Variants in RPS6KC1 observed in about 807,000 individuals in gnomAD.
RPS6KC1 encodes inactive ribosomal protein S6 kinase delta-1.
A neutral mutation model predicts 103.8 loss-of-function variants in RPS6KC1; 54 were observed. The ratio of observed to expected loss-of-function variants is 0.52; its 90% CI spans 0.42 to 0.65. The LOEUF is 0.65. Ranked by LOEUF, RPS6KC1 falls within the 30% of genes least tolerant of loss-of-function variation. The probability of loss-of-function intolerance (pLI) is 0.00; values close to 1 mark genes in which losing one functional copy is unlikely to be tolerated. For synonymous variants in RPS6KC1, 439 were observed against 438.7 expected (o/e 1.00, Z -0.01); for missense variants, 1,151 against 1,253.8 (o/e 0.92, Z 1.24).
the RPS6KC1 span, among the ~76,000 whole-genome samples, chr1:213,337,057 G>GATATCAA: frequency 6.6e-6 from 1 of 152,228 alleles, no homozygotes; most frequent in Non-Finnish European, 1.5e-5. Flanking sequence ...ATCAATTGAT[G>GATATCAA]TTGTTGAATG....
At chr1:213,082,544 G>T (rs1218501394) in intron 3 of RPS6KC1, among the ~76,000 whole-genome samples, 1 of 152,224 alleles carries the variant, frequency 6.6e-6, no homozygotes, top group African/African-American at 2.4e-5. Flanking sequence ...AAACTGGAGG[G>T]AAGATCCCTC....
At chr1:213,056,412 TATA>T (rs2077334100) in intron 1 of RPS6KC1, among the ~76,000 whole-genome samples, 1 of 152,190 alleles carries the variant, frequency 6.6e-6, no homozygotes, top group African/African-American at 2.4e-5. Context: ...ATACCTGTAT[TATA>T]AAACATTTTT....
chr1:213,088,356 C>G (rs540799114), intron 3 of RPS6KC1, among the ~76,000 whole-genome samples: 2 of 151,986 alleles, frequency 1.3e-5, no homozygotes, highest in South Asian at 4.1e-4. Context: ...TTACTCCACT[C>G]TCATGGCTAA....
At chr1:213,860,363 C>T in the RPS6KC1 span, among the ~76,000 whole-genome samples, 4 of 151,358 alleles carry the variant, frequency 2.6e-5, no homozygotes, top group African/African-American at 9.7e-5. Context: ...AATTTCGGAT[C>T]TACTCTTTCA....
At chr1:213,222,267 A>G (rs1302059919) in intron 8 of RPS6KC1, among the ~76,000 whole-genome samples, 1 of 152,204 alleles carries the variant, frequency 6.6e-6, no homozygotes, top group Non-Finnish European at 1.5e-5. Context: ...TTTGTTACCC[A>G]TAAATCTTGG....
chr1:213,069,908 G>A (rs2148453518), intron 1 of RPS6KC1, among the ~76,000 whole-genome samples: 1 of 152,172 alleles, frequency 6.6e-6, no homozygotes, highest in African/African-American at 2.4e-5. Flanking sequence ...TAAACACCTA[G>A]CCTTTTCAAA....
chr1:213,809,004 G>A, the RPS6KC1 span, among the ~76,000 whole-genome samples: 8 of 152,312 alleles, frequency 5.3e-5, no homozygotes, highest in East Asian at 1.5e-3. Context: ...ACTTTTCCTT[G>A]CATTCACAAC....
At chr1:213,337,852 G>C in the RPS6KC1 span, among the ~76,000 whole-genome samples, 1 of 152,228 alleles carries the variant, frequency 6.6e-6, no homozygotes, top group Non-Finnish European at 1.5e-5. Flanking sequence ...GGGAAAGAAG[G>C]AGAGATATGC....
the RPS6KC1 span, among the ~76,000 whole-genome samples, chr1:213,320,689 C>T: frequency 1.3e-5 from 2 of 152,202 alleles, no homozygotes; most frequent in African/African-American, 4.8e-5. Context: ...GATCATCAGA[C>T]CAGTGAGTGG....
chr1:213,216,101 A>G (rs1472095097), intron 8 of RPS6KC1, among the ~76,000 whole-genome samples: 4 of 152,232 alleles, frequency 2.6e-5, no homozygotes, highest in Non-Finnish European at 5.9e-5. Context: ...TAAAGAGTCA[A>G]GACCCATCAG....
chr1:213,780,030 A>T, the RPS6KC1 span, among the ~76,000 whole-genome samples: 1 of 152,180 alleles, frequency 6.6e-6, no homozygotes, highest in Non-Finnish European at 1.5e-5. Context: ...TCCCTATTTC[A>T]GGGAGTCTAG....
chr1:213,052,628 C>T (rs1259321902), intron 1 of RPS6KC1, among the ~76,000 whole-genome samples: 1 of 152,060 alleles, frequency 6.6e-6, no homozygotes, highest in Non-Finnish European at 1.5e-5. Context: ...GCAACCTCTG[C>T]CTCCTGAGTT....
chr1:213,568,323 C>T, the RPS6KC1 span, among the ~76,000 whole-genome samples: 1 of 152,146 alleles, frequency 6.6e-6, no homozygotes, highest in Non-Finnish European at 1.5e-5. Flanking sequence ...TGTCATTAAC[C>T]AGATTAGTGC....
chr1:213,788,592 G>A, the RPS6KC1 span, among the ~76,000 whole-genome samples: 2,375 of 152,184 alleles, frequency 0.016, 24 homozygotes, highest in South Asian at 0.042. Flanking sequence ...CAGCTGTGAT[G>A]GAAATGAGAA....
chr1:213,539,062 C>T, the RPS6KC1 span, among the ~76,000 whole-genome samples: 1,865 of 152,250 alleles, frequency 0.012, 24 homozygotes, highest in African/African-American at 0.038. Context: ...TGAAGATGCT[C>T]GATGAATGCC....
At chr1:213,440,560 A>T in the RPS6KC1 span, among the ~76,000 whole-genome samples, 5 of 151,418 alleles carry the variant, frequency 3.3e-5, no homozygotes, top group African/African-American at 4.9e-5. Flanking sequence ...TGACCTAGGG[A>T]AAAACAACTT....
the RPS6KC1 span, among the ~76,000 whole-genome samples, chr1:213,316,820 G>A: frequency 2.0e-5 from 3 of 152,010 alleles, no homozygotes; most frequent in Non-Finnish European, 4.4e-5. Context: ...ACACAGAAAG[G>A]AAATGAGGAA....
At chr1:213,729,937 A>G in the RPS6KC1 span, among the ~76,000 whole-genome samples, 1 of 151,966 alleles carries the variant, frequency 6.6e-6, no homozygotes, top group African/African-American at 2.4e-5. Context: ...CCTCCACCCT[A>G]CAATAGGCCC....
the RPS6KC1 span, among the ~76,000 whole-genome samples, chr1:213,485,542 A>G: frequency 6.6e-6 from 1 of 152,210 alleles, no homozygotes; most frequent in African/African-American, 2.4e-5. Flanking sequence ...CATTTCCTCT[A>G]CAGTCCATCA....
Sources: gnomAD v4.1 joint callset for allele counts (sites outside exome capture counted in the v4.1 genomes callset) on GRCh38, gnomAD v4.1.1 for gene constraint, MANE v1.5 for transcripts, NCBI Gene and HGNC (gene_info 2026-07-23, HGNC 2026-07-21) for gene names.